Variants in SHROOM4 observed in about 807,000 individuals in gnomAD.
SHROOM4 encodes shroom family member 4.
Under a neutral mutation model 80.3 loss-of-function variants are expected in SHROOM4, and 17 were observed. The ratio of observed to expected loss-of-function variants is 0.21; its 90% CI spans 0.14 to 0.32. SHROOM4 has a LOEUF of 0.32. Ranked by LOEUF, SHROOM4 falls within the 10% of genes least tolerant of loss-of-function variation. The pLI is 1.00. For synonymous variants in SHROOM4, 400 were observed against 437.5 expected, an observed-to-expected ratio of 0.91 and a Z score of 1.07; for missense variants, 993 against 1,140.3, an observed-to-expected ratio of 0.87 and a Z score of 1.86.
chrX:50,705,989 TACACACACACACACACACACAC>T (rs56363612), intron 1 of SHROOM4, among the ~76,000 whole-genome samples: 2 of 74,390 alleles, frequency 2.7e-5, no homozygotes, highest in South Asian at 9.3e-4. Flanking sequence ...TCTCATCCTC[TACACACACACACACACACACAC>T]ACACACACAC....
At chrX:50,722,767 C>T (rs782645864) in intron 1 of SHROOM4, among the ~76,000 whole-genome samples, 2 of 110,919 alleles carry the variant, frequency 1.8e-5, no homozygotes, top group East Asian at 2.9e-4. Flanking sequence ...AATTTCATTC[C>T]GGAAATCTCA....
At position 50,796,386 on chromosome X, in the gene SHROOM4, T is replaced by C. The variant is rs1036819652; in HGVS notation, c.117+17516A>G. On this transcript the variant is annotated intron_variant, in intron 1 of 8. Transcript: ENST00000376020. The stretch of plus-strand genomic sequence containing the variant: ...TTTTTTCAAGGCACTGCTGGGAGCA[T>C]GGAGCCATAGCAACAATTCAAGTGA... 4.5e-5 allele frequency among the ~76,000 whole-genome samples: 5 copies of C among 111,455 alleles called. No homozygotes were observed. In the Admixed American group the frequency reaches 4.8e-4, roughly 11 times the overall value.
At chrX:50,696,081 A>C in intron 1 of SHROOM4, 144 bp from the exon 2 acceptor site, 1 of 620,975 alleles carries the variant, frequency 1.6e-6, no homozygotes, top group Non-Finnish European at 2.5e-6. Context: ...GGAGCTGATC[A>C]CAGGTCATTA....
chrX:50,679,852 T>C (rs1332984144), intron 2 of SHROOM4, among the ~76,000 whole-genome samples: 6 of 111,900 alleles, frequency 5.4e-5, no homozygotes, highest in African/African-American at 1.9e-4. Context: ...TTTATCCCAA[T>C]TGCCTCTCTA....
At chrX:50,785,792 T>A (rs1475893439) in intron 1 of SHROOM4, among the ~76,000 whole-genome samples, 1 of 111,539 alleles carries the variant, frequency 9.0e-6, no homozygotes, top group African/African-American at 3.3e-5. Context: ...TATTTATACA[T>A]GTATATCCAT....
chrX:50,588,565 C>G lies in SHROOM4; in HGVS notation c.*8130G>C, dbSNP rs782365644. On this transcript the variant is annotated 3_prime_UTR_variant, in exon 9 of 9. Transcript: ENST00000376020. ...TATGAAAACCTACGTGGTGTGGGTT[C>G]CAGTGTCCAGGCTTGGAACTGCCTC... Among the ~76,000 whole-genome samples the G allele has an allele frequency of 9.0e-6, 1 of 111,696 alleles. No homozygotes were observed. Among genetic ancestry groups the G allele is most frequent in the Non-Finnish European group, 1.9e-5 (1 of 53,132 alleles).
chrX:50,803,764 C>G lies in SHROOM4; in HGVS notation c.117+10138G>C, dbSNP rs142650535. 3.1e-3 allele frequency among the ~76,000 whole-genome samples: 351 copies of G among 112,186 alleles called. 4 individuals are homozygous for G. Among genetic ancestry groups the G allele is most frequent in the African/African-American group, 0.011 (340 of 30,870 alleles). On this transcript the variant is annotated intron_variant, in intron 1 of 8. Coordinates refer to ENST00000376020, the MANE Select transcript of SHROOM4 (RefSeq NM_020717.5). ...TTTGAGAATCCAGAAACCAGGTCTT[C>G]TATGGTGGCTAACTCTTGTATTCTC...
intron 1 of SHROOM4, 68 bp downstream of exon 1, chrX:50,813,834 G>C (rs1557273712): frequency 3.5e-6 from 3 of 866,781 alleles, no homozygotes; most frequent in African/African-American, 2.0e-5. Context: ...CCCGTCCAGC[G>C]GCAGCCTTCG....
chrX:50,730,853 A>G, intron 1 of SHROOM4, among the ~76,000 whole-genome samples: 1 of 111,489 alleles, frequency 9.0e-6, no homozygotes, highest in Middle Eastern at 4.7e-3. Context: ...TTTAATACAT[A>G]TGACAATAAC....
At chrX:50,700,349 C>T (rs1264686544) in intron 1 of SHROOM4, among the ~76,000 whole-genome samples, 8 of 112,054 alleles carry the variant, frequency 7.1e-5, no homozygotes, top group African/African-American at 2.3e-4. Context: ...TACTAACACT[C>T]CAGGCATCCG....
At chrX:50,601,548 A>T (rs1250330752) in intron 7 of SHROOM4, among the ~76,000 whole-genome samples, 2 of 112,011 alleles carry the variant, frequency 1.8e-5, no homozygotes, top group African/African-American at 6.5e-5. Context: ...AAAGAAGGTA[A>T]ATTGAGCCTT....
chrX:50,736,277 T>C (rs1557266698), intron 1 of SHROOM4, among the ~76,000 whole-genome samples: 1 of 111,006 alleles, frequency 9.0e-6, no homozygotes, highest in African/African-American at 3.3e-5. Flanking sequence ...AGTTCTGGGG[T>C]TCATGTGCAG....
chrX:50,669,352 T>C (rs923377050), intron 2 of SHROOM4, among the ~76,000 whole-genome samples: 5 of 111,959 alleles, frequency 4.5e-5, no homozygotes, highest in Admixed American at 9.4e-5. Flanking sequence ...TCACCCAGGC[T>C]GGAGTGCAGT....
chrX:50,596,292 A>T lies in SHROOM4; in HGVS notation c.*403T>A. On this transcript the variant is annotated 3_prime_UTR_variant, in exon 9 of 9. Transcript: ENST00000376020. The stretch of plus-strand genomic sequence containing the variant: ...TGGCTGGCCACAAGCCCTGGGGCAG[A>T]GTAGAGCTGCAAGGCAGATTCCCTC... The T allele has an allele frequency of 2.9e-6, 1 of 344,917 alleles. No individual in the cohort carries two copies. Among genetic ancestry groups the T allele is most frequent in the Non-Finnish European group, 5.6e-6 (1 of 180,087 alleles). The allele number at this position is 344,917 out of a possible 1,213,427, so 28.4% of individuals were successfully genotyped here.
At chrX:50,748,866 A>G (rs1569548477) in intron 1 of SHROOM4, among the ~76,000 whole-genome samples, 1 of 112,429 alleles carries the variant, frequency 8.9e-6, no homozygotes, top group Admixed American at 9.4e-5. Context: ...AAGACTACAA[A>G]TGTACCTTTT....
chrX:50,579,938 A>AT, the SHROOM4 span, among the ~76,000 whole-genome samples: 16 of 111,787 alleles, frequency 1.4e-4, no homozygotes, highest in African/African-American at 4.5e-4. Context: ...CACCCCTAAC[A>AT]TTGTCCCACC....
chrX:50,653,490 A>G (rs782763310), intron 2 of SHROOM4, among the ~76,000 whole-genome samples: 5 of 112,040 alleles, frequency 4.5e-5, no homozygotes, highest in African/African-American at 6.5e-5. Context: ...TTTTCTAAAT[A>G]TACAATCATG....
In SHROOM4 at chrX:50,607,487, T is replaced by A; in HGVS notation, c.3655A>T (p.Ile1219Leu). The A allele has an allele frequency of 8.3e-7, 1 of 1,211,407 alleles. No homozygotes were observed. The highest frequency in any genetic ancestry group is 1.8e-5 in the South Asian group (1 of 56,928). ...GGTTGAGATCCCAAGTGACCCCTTATTGGAGGCAAGAAATCACTGGAATGG... is the reference window on the plus strand; with the variant it reads ...GGTTGAGATCCCAAGTGACCCCTTAATGGAGGCAAGAAATCACTGGAATGG... ...ALHSSDFLPP[I>L]RGHLGSQPEQ... is the part of the protein sequence containing the mutation. The change falls in exon 6 of 9, where the codon ATA becomes TTA. Residue 1219 changes from isoleucine to leucine, a missense_variant. Physicochemically the swap from Ile to Leu is conservative, Grantham distance 5. Transcript: ENST00000376020.
intron 1 of SHROOM4, among the ~76,000 whole-genome samples, chrX:50,803,861 GTTGA>G (rs201307916): frequency 4.6e-4 from 52 of 111,916 alleles, no homozygotes; most frequent in Admixed American, 4.5e-3. Context: ...TAGTTGATCA[GTTGA>G]TTGATTGATT....
Sources: gnomAD v4.1 joint callset for allele counts (sites outside exome capture counted in the v4.1 genomes callset) on GRCh38, gnomAD v4.1.1 for gene constraint, MANE v1.5 for transcripts, NCBI Gene and HGNC (gene_info 2026-07-23, HGNC 2026-07-21) for gene names.